The following IL1RAPL1 variants were observed in gnomAD, a reference collection of about 807,000 sequenced individuals.
The protein encoded by IL1RAPL1 is interleukin 1 receptor accessory protein like 1, also known as interleukin-1 receptor accessory protein-like 1.
In IL1RAPL1, 3 loss-of-function variants were observed where a neutral mutation model predicts 48.4. That is an observed-to-expected ratio of 0.06 (90% CI 0.03 to 0.16). The LOEUF is 0.16. IL1RAPL1 is among the 10% of genes least tolerant of loss of function. The probability of loss-of-function intolerance (pLI) is 1.00; values close to 1 mark genes in which losing one functional copy is unlikely to be tolerated. For missense variants in IL1RAPL1, 349 were observed against 530.6 expected, an observed-to-expected ratio of 0.66 and a Z score of 3.36; for synonymous variants, 185 against 187.7, an observed-to-expected ratio of 0.99 and a Z score of 0.12.
intron 2 of IL1RAPL1, among the ~76,000 whole-genome samples, chrX:28,932,457 G>A (rs1923910046): frequency 9.0e-6 from 1 of 111,571 alleles, no homozygotes; most frequent in African/African-American, 3.3e-5. Flanking sequence ...TCCTGGATGT[G>A]TGCTTTTGTG....
intron 2 of IL1RAPL1, among the ~76,000 whole-genome samples, chrX:28,845,982 T>C (rs1251391899): frequency 8.9e-6 from 1 of 111,880 alleles, no homozygotes; most frequent in Non-Finnish European, 1.9e-5. Flanking sequence ...AATTCACTCT[T>C]GGTGTTATAC....
At chrX:29,508,185 T>A (rs185612054) in intron 5 of IL1RAPL1, among the ~76,000 whole-genome samples, 1 of 111,776 alleles carries the variant, frequency 8.9e-6, no homozygotes, top group East Asian at 2.8e-4. Flanking sequence ...TTGTCACTCA[T>A]TAATGCACAT....
intron 2 of IL1RAPL1, among the ~76,000 whole-genome samples, chrX:28,963,652 G>C (rs1030137688): frequency 9.0e-6 from 1 of 110,851 alleles, no homozygotes; most frequent in Non-Finnish European, 1.9e-5. Context: ...GCATGTTTGG[G>C]TGTTATTACT....
chrX:28,920,373 T>TG (rs1923586914), intron 2 of IL1RAPL1, among the ~76,000 whole-genome samples: 1 of 111,998 alleles, frequency 8.9e-6, no homozygotes, highest in South Asian at 3.7e-4. Flanking sequence ...TTCAATGATG[T>TG]GGGTGTTTGC....
chrX:29,145,827 C>A (rs1929339946), intron 2 of IL1RAPL1, among the ~76,000 whole-genome samples: 1 of 112,017 alleles, frequency 8.9e-6, no homozygotes, highest in Non-Finnish European at 1.9e-5. Flanking sequence ...TCATTTGATT[C>A]ATCAGAAAAT....
intron 6 of IL1RAPL1, among the ~76,000 whole-genome samples, chrX:29,803,539 A>T (rs181367730): frequency 1.7e-4 from 17 of 99,538 alleles, no homozygotes; most frequent in African/African-American, 5.8e-4. Context: ...ATGTATACAT[A>T]TATGTATATG....
chrX:28,744,672 G>A (rs1328999387), intron 1 of IL1RAPL1, among the ~76,000 whole-genome samples: 1 of 111,687 alleles, frequency 9.0e-6, no homozygotes, highest in Non-Finnish European at 1.9e-5. Context: ...TATGATAAAC[G>A]CAGCAGAACA....
At chrX:29,378,898 C>T (rs1933658087) in intron 3 of IL1RAPL1, among the ~76,000 whole-genome samples, 1 of 112,372 alleles carries the variant, frequency 8.9e-6, no homozygotes, top group African/African-American at 3.2e-5. Flanking sequence ...CTCCCTTGGG[C>T]AGAGGCTATA....
chrX:29,862,588 G>GA (rs34670707), intron 6 of IL1RAPL1, among the ~76,000 whole-genome samples: 1 of 111,444 alleles, frequency 9.0e-6, no homozygotes, highest in Non-Finnish European at 1.9e-5. Flanking sequence ...AATATTGTGG[G>GA]AAAAAATGAC....
At chrX:28,783,472 T>C (rs1936442952) in intron 1 of IL1RAPL1, among the ~76,000 whole-genome samples, 2 of 109,735 alleles carry the variant, frequency 1.8e-5, no homozygotes, top group East Asian at 2.9e-4. Flanking sequence ...AGAAGCGCTA[T>C]AGGAATAAAT....
At chrX:29,286,898 G>A (rs762764401) in intron 3 of IL1RAPL1, among the ~76,000 whole-genome samples, 85 of 109,917 alleles carry the variant, frequency 7.7e-4, no homozygotes, top group African/African-American at 2.7e-3. Flanking sequence ...TGAGATAATT[G>A]CAGGTTCATA....
At chrX:29,154,452 A>G (rs796722289) in intron 2 of IL1RAPL1, among the ~76,000 whole-genome samples, 1 of 110,173 alleles carries the variant, frequency 9.1e-6, no homozygotes, top group East Asian at 2.9e-4. Context: ...AGGCAAGAGA[A>G]TCACCTGAAC....
At chrX:28,739,814 G>A (rs1935886406) in intron 1 of IL1RAPL1, among the ~76,000 whole-genome samples, 1 of 110,731 alleles carries the variant, frequency 9.0e-6, no homozygotes, top group Non-Finnish European at 1.9e-5. Context: ...CCTTTCCAAG[G>A]CTTTTATGAT....
intron 2 of IL1RAPL1, among the ~76,000 whole-genome samples, chrX:28,926,322 GT>G (rs1923740975): frequency 9.0e-6 from 1 of 111,370 alleles, no homozygotes; most frequent in Admixed American, 9.6e-5. Flanking sequence ...ATAACAACTT[GT>G]TTTGAGAATT....
At chrX:29,321,178 T>C (rs915577524) in intron 3 of IL1RAPL1, among the ~76,000 whole-genome samples, 5 of 111,707 alleles carry the variant, frequency 4.5e-5, no homozygotes, top group African/African-American at 1.3e-4. Flanking sequence ...CCAAGATGAG[T>C]GGTGATCTGT....
intron 2 of IL1RAPL1, among the ~76,000 whole-genome samples, chrX:29,165,420 C>T (rs992114735): frequency 8.9e-5 from 10 of 112,345 alleles, no homozygotes; most frequent in African/African-American, 3.2e-4. Flanking sequence ...ATTGTTTACT[C>T]TATCAGGTTA....
intron 6 of IL1RAPL1, among the ~76,000 whole-genome samples, chrX:29,794,089 A>G (rs1929692118): frequency 8.9e-6 from 1 of 112,034 alleles, no homozygotes; most frequent in South Asian, 3.7e-4. Context: ...CTTTATTTTT[A>G]GTGTAATACA....
intron 5 of IL1RAPL1, among the ~76,000 whole-genome samples, chrX:29,517,757 G>A (rs939474319): frequency 1.8e-5 from 2 of 111,800 alleles, no homozygotes. Flanking sequence ...CCTTCCATTA[G>A]TGCTAATGTG....
rs929835009 is a variant in IL1RAPL1 at position 29,744,551 on chromosome X, A to G, written c.778+76047A>G. On this transcript the variant is annotated intron_variant, in intron 6 of 10. Coordinates refer to ENST00000378993, the MANE Select transcript of IL1RAPL1 (RefSeq NM_014271.4). ...TATTTATATTTGCTGGGTAATTATC[A>G]TTTATAAAATCATAGTTGAACTAAG... is the stretch of plus-strand genomic sequence containing the variant. 4.5e-5 allele frequency among the ~76,000 whole-genome samples: 5 copies of G among 112,329 alleles called. 2 individuals carry two copies.
Sources: gnomAD v4.1 joint callset for allele counts (sites outside exome capture counted in the v4.1 genomes callset) on GRCh38, gnomAD v4.1.1 for gene constraint, MANE v1.5 for transcripts, NCBI Gene and HGNC (gene_info 2026-07-23, HGNC 2026-07-21) for gene names.